The following KLHL1 variants were observed in gnomAD, a reference collection of about 807,000 sequenced individuals.
KLHL1 encodes kelch-like protein 1.
In KLHL1, 47 loss-of-function variants were observed where a neutral mutation model predicts 77.7. The observed-to-expected ratio is 0.60, with a 90% CI of 0.48 to 0.77. The LOEUF (loss-of-function observed/expected upper bound fraction) is 0.77. Among genes scored for constraint, KLHL1 ranks in the 30% least tolerant of loss-of-function variants. The pLI, the probability that KLHL1 is intolerant of heterozygous loss-of-function variation, is 0.00. For synonymous variants in KLHL1, 360 were observed against 325.2 expected (o/e 1.11, Z -1.15); for missense variants, 925 against 910.8 (o/e 1.02, Z -0.20).
chr13:69,994,469 C>G (rs778432106), intron 1 of KLHL1, among the ~76,000 whole-genome samples: 5 of 152,104 alleles, frequency 3.3e-5, no homozygotes, highest in Non-Finnish European at 5.9e-5. Context: ...GCCTATTTTT[C>G]CTTAGGACCT....
At chr13:69,887,935 A>G (rs765674828) in intron 4 of KLHL1, among the ~76,000 whole-genome samples, 33 of 152,194 alleles carry the variant, frequency 2.2e-4, no homozygotes, top group Non-Finnish European at 4.0e-4. Context: ...GATTTGTTAT[A>G]GTAACTCCCT....
chr13:70,039,529 CA>C (rs1399872983), intron 1 of KLHL1, among the ~76,000 whole-genome samples: 6 of 151,678 alleles, frequency 4.0e-5, no homozygotes, highest in Non-Finnish European at 8.8e-5. Flanking sequence ...ATCTTTTTAA[CA>C]ATCTTTTTCA....
chr13:69,716,662 T>C (rs868368207), intron 9 of KLHL1, among the ~76,000 whole-genome samples: 1 of 152,174 alleles, frequency 6.6e-6, no homozygotes, highest in Non-Finnish European at 1.5e-5. Flanking sequence ...TTCTGATCTA[T>C]TTTTACTCAG....
intron 7 of KLHL1, among the ~76,000 whole-genome samples, chr13:69,765,663 G>A (rs565693753): frequency 6.6e-6 from 1 of 152,134 alleles, no homozygotes; most frequent in Non-Finnish European, 1.5e-5. Context: ...AGCCATACAG[G>A]AAGATAAAAG....
intron 4 of KLHL1, among the ~76,000 whole-genome samples, chr13:69,921,575 A>C (rs1882636594): frequency 6.6e-6 from 1 of 152,204 alleles, no homozygotes; most frequent in South Asian, 2.1e-4. Flanking sequence ...TTGTGAAGAC[A>C]AACCTTCAAA....
chr13:69,776,360 C>T (rs1443045950), intron 7 of KLHL1, among the ~76,000 whole-genome samples: 1 of 152,054 alleles, frequency 6.6e-6, no homozygotes, highest in Non-Finnish European at 1.5e-5. Flanking sequence ...GCAAAACCAC[C>T]TCAAATCTGC....
At chr13:69,971,115 A>C (rs1884369210) in intron 2 of KLHL1, among the ~76,000 whole-genome samples, 1 of 152,106 alleles carries the variant, frequency 6.6e-6, no homozygotes, top group Admixed American at 6.6e-5. Context: ...TTGAGTTCTA[A>C]TGTCACCAAT....
chr13:69,858,355 A>G (rs1449202578), intron 5 of KLHL1, among the ~76,000 whole-genome samples: 2 of 152,106 alleles, frequency 1.3e-5, no homozygotes, highest in African/African-American at 4.8e-5. Context: ...GAAAGACATA[A>G]CTGTTAACCA....
Position 69,830,044 on chromosome 13 carries a change from GA to G in KLHL1, c.1414+8931del, listed in dbSNP as rs1051923000. Among the ~76,000 whole-genome samples, 24 of 145,948 alleles carry G rather than the reference GA, an allele frequency of 1.6e-4. 1 individual carries two copies. The highest frequency in any genetic ancestry group is 6.4e-4 in the South Asian group (3 of 4,694). ...GGCTTATAAAACAATAATACAGTGG[GA>G]AAAAAAAAGAAGGTATTCAGGCAAA... On this transcript the variant is annotated intron_variant, in intron 6 of 10. Transcript: ENST00000377844.
chr13:69,927,802 T>G (rs927954825), intron 4 of KLHL1, among the ~76,000 whole-genome samples: 2 of 152,214 alleles, frequency 1.3e-5, no homozygotes, highest in Non-Finnish European at 2.9e-5. Context: ...GATTATGAAA[T>G]GTACAGCTAG....
intron 4 of KLHL1, among the ~76,000 whole-genome samples, chr13:69,933,040 C>T (rs9542120): frequency 0.81 from 122,823 of 151,870 alleles, 50,840 homozygotes; most frequent in Non-Finnish European, 0.91. Flanking sequence ...CAGCCTGCCA[C>T]ATTTTTACTT....
intron 6 of KLHL1, among the ~76,000 whole-genome samples, chr13:69,805,273 T>C (rs1877568876): frequency 6.6e-6 from 1 of 151,934 alleles, no homozygotes; most frequent in Non-Finnish European, 1.5e-5. Context: ...TACATTTAAG[T>C]TTACCATTAA....
At chr13:70,033,663 A>G (rs1176011966) in intron 1 of KLHL1, among the ~76,000 whole-genome samples, 1 of 111,878 alleles carries the variant, frequency 8.9e-6, no homozygotes, top group Non-Finnish European at 1.7e-5. Context: ...TCTGTTGTTC[A>G]GGCTGGCATG....
chr13:70,056,121 G>T (rs545590110), intron 1 of KLHL1, among the ~76,000 whole-genome samples: 1 of 152,018 alleles, frequency 6.6e-6, no homozygotes, highest in African/African-American at 2.4e-5. Context: ...AAAGACATGT[G>T]CAGACTGAAA....
chr13:69,733,007 G>C (rs543569062), intron 8 of KLHL1, among the ~76,000 whole-genome samples: 2 of 152,036 alleles, frequency 1.3e-5, no homozygotes, highest in African/African-American at 2.4e-5. Context: ...ATTGTGAGTT[G>C]ATTAAATTAC....
chr13:70,043,894 A>G (rs1886435921), intron 1 of KLHL1, among the ~76,000 whole-genome samples: 1 of 152,084 alleles, frequency 6.6e-6, no homozygotes, highest in Admixed American at 6.5e-5. Flanking sequence ...CAACTCCACC[A>G]CTTCTAATCT....
chr13:69,992,855 A>G (rs780784073), intron 1 of KLHL1, among the ~76,000 whole-genome samples: 2 of 151,968 alleles, frequency 1.3e-5, no homozygotes, highest in Non-Finnish European at 2.9e-5. Flanking sequence ...TAGTGAAGAA[A>G]GGCATATAGT....
At chr13:69,901,764 A>C (rs1425456034) in intron 4 of KLHL1, among the ~76,000 whole-genome samples, 1 of 150,082 alleles carries the variant, frequency 6.7e-6, no homozygotes, top group Non-Finnish European at 1.5e-5. Context: ...GAGCACAATG[A>C]GTTTTTCATT....
intron 4 of KLHL1, among the ~76,000 whole-genome samples, chr13:69,934,128 T>C (rs1441036592): frequency 6.6e-6 from 1 of 152,082 alleles, no homozygotes; most frequent in Admixed American, 6.6e-5. Context: ...TTGAAAGGAG[T>C]AAATTTAATA....
Sources: allele counts gnomAD v4.1 joint callset (sites outside exome capture counted in the v4.1 genomes callset), GRCh38; gene constraint gnomAD v4.1.1; transcripts MANE v1.5; gene names NCBI Gene and HGNC (gene_info 2026-07-23, HGNC 2026-07-21).